HSD17B12: variants seen among roughly 807,000 people sequenced by gnomAD.
HSD17B12 encodes very-long-chain 3-oxoacyl-CoA reductase.
A neutral mutation model predicts 39.3 loss-of-function variants in HSD17B12; 32 were observed. The ratio of observed to expected loss-of-function variants is 0.81; its 90% CI spans 0.61 to 1.09. HSD17B12 has a LOEUF of 1.09. HSD17B12 is among the 50% of genes least tolerant of loss of function. The pLI is 0.00. For missense variants in HSD17B12, 342 were observed against 382.9 expected, an observed-to-expected ratio of 0.89 and a Z score of 0.89; for synonymous variants, 150 against 146.7, an observed-to-expected ratio of 1.02 and a Z score of -0.16.
chr11:43,819,201 C>A (rs916598513), intron 6 of HSD17B12, among the ~76,000 whole-genome samples: 1 of 152,074 alleles, frequency 6.6e-6, no homozygotes, highest in African/African-American at 2.4e-5. Flanking sequence ...TACTTTAGAT[C>A]CATTAGTATT....
the HSD17B12 span, among the ~76,000 whole-genome samples, chr11:43,670,844 C>T: frequency 6.6e-6 from 1 of 152,106 alleles, no homozygotes; most frequent in East Asian, 1.9e-4. Flanking sequence ...ATGATCATAC[C>T]ACTGCACTCC....
At chr11:43,670,238 A>C in the HSD17B12 span, 7 of 152,210 alleles carry the variant, frequency 4.6e-5, no homozygotes, top group Non-Finnish European at 1.5e-5. Context: ...CCATAGAGGG[A>C]CATAGACCAG....
chr11:43,818,547 C>T (rs1019407252), intron 6 of HSD17B12, among the ~76,000 whole-genome samples: 8 of 152,172 alleles, frequency 5.3e-5, no homozygotes, highest in African/African-American at 1.9e-4. Context: ...GAAATTTGAA[C>T]ATACTCATAG....
chr11:43,765,064 CT>C (rs1197032864), intron 3 of HSD17B12, among the ~76,000 whole-genome samples: 2 of 151,574 alleles, frequency 1.3e-5, no homozygotes, highest in Non-Finnish European at 2.9e-5. Flanking sequence ...GACTGTATAT[CT>C]TTTTTTCTTT....
At chr11:43,666,854 C>CTTAA in the HSD17B12 span, among the ~76,000 whole-genome samples, 1 of 152,208 alleles carries the variant, frequency 6.6e-6, no homozygotes, top group Non-Finnish European at 1.5e-5. Context: ...TAAGATCACT[C>CTTAA]TTAAGAGTTG....
intron 3 of HSD17B12, among the ~76,000 whole-genome samples, chr11:43,772,758 T>C (rs534716605): frequency 1.3e-3 from 205 of 152,304 alleles, no homozygotes; most frequent in African/African-American, 4.7e-3. Flanking sequence ...ATTTCTAATC[T>C]TTTTTTGTGA....
chr11:43,733,980 G>T, intron 1 of HSD17B12: 1 of 716,544 alleles, frequency 1.4e-6, no homozygotes, highest in South Asian at 1.5e-5. Context: ...ACCACGTAAT[G>T]CTCCAGTCAT....
intron 1 of HSD17B12, among the ~76,000 whole-genome samples, chr11:43,703,715 A>C (rs1430600786): frequency 6.6e-6 from 1 of 152,126 alleles, no homozygotes; most frequent in African/African-American, 2.4e-5. Flanking sequence ...ATAGTTACTC[A>C]TAGTAGCCAC....
the HSD17B12 span, chr11:43,645,000 G>C: frequency 6.6e-6 from 1 of 152,312 alleles, no homozygotes; most frequent in Non-Finnish European, 1.5e-5. Flanking sequence ...GTTCTAGGGA[G>C]CCAGCTCCCC....
At chr11:43,633,673 C>T in the HSD17B12 span, among the ~76,000 whole-genome samples, 2 of 152,218 alleles carry the variant, frequency 1.3e-5, no homozygotes, top group Middle Eastern at 3.4e-3. Flanking sequence ...AGCTGTTCCA[C>T]GTAATGGTCC....
At chr11:43,586,147 T>C in the HSD17B12 span, among the ~76,000 whole-genome samples, 5 of 152,178 alleles carry the variant, frequency 3.3e-5, no homozygotes, top group South Asian at 6.2e-4. Context: ...ATAATACAGC[T>C]AATCCATAAA....
At chr11:43,669,675 CTG>C in the HSD17B12 span, among the ~76,000 whole-genome samples, 1 of 152,156 alleles carries the variant, frequency 6.6e-6, no homozygotes, top group Non-Finnish European at 1.5e-5. Context: ...TGGCTGGAAA[CTG>C]TATTACTAAA....
At chr11:43,642,385 T>C in the HSD17B12 span, among the ~76,000 whole-genome samples, 1 of 151,742 alleles carries the variant, frequency 6.6e-6, no homozygotes, top group South Asian at 2.1e-4. Context: ...TTATTTCTAA[T>C]GTAATTTTTA....
At chr11:43,559,301 A>G in the HSD17B12 span, among the ~76,000 whole-genome samples, 1 of 152,178 alleles carries the variant, frequency 6.6e-6, no homozygotes, top group Non-Finnish European at 1.5e-5. Flanking sequence ...CAGTCCTCCA[A>G]GACTGTCAGT....
chr11:43,618,943 C>A, the HSD17B12 span, among the ~76,000 whole-genome samples: 1 of 151,518 alleles, frequency 6.6e-6, no homozygotes, highest in African/African-American at 2.4e-5. Flanking sequence ...AGGGCTCAGA[C>A]ATGCACTCAA....
the HSD17B12 span, among the ~76,000 whole-genome samples, chr11:43,671,190 A>T: frequency 2.0e-5 from 3 of 151,800 alleles, no homozygotes; most frequent in African/African-American, 7.3e-5. Context: ...TTTGAGATGG[A>T]GTCTCACTCT....
chr11:43,769,626 T>C (rs901975519), intron 3 of HSD17B12, among the ~76,000 whole-genome samples: 16 of 152,342 alleles, frequency 1.1e-4, no homozygotes, highest in African/African-American at 3.6e-4. Flanking sequence ...ATGTATGACA[T>C]TGTTTTTCAA....
At chr11:43,686,444 A>G (rs1329505152) in intron 1 of HSD17B12, among the ~76,000 whole-genome samples, 5 of 152,220 alleles carry the variant, frequency 3.3e-5, no homozygotes, top group African/African-American at 4.8e-5. Flanking sequence ...AACAGATGCA[A>G]CTGAAGATTG....
the HSD17B12 span, among the ~76,000 whole-genome samples, chr11:43,639,995 T>G: frequency 6.6e-6 from 1 of 151,602 alleles, no homozygotes; most frequent in South Asian, 2.1e-4. Flanking sequence ...TAGTAGGGAG[T>G]GAAAATTGGT....
Sources: allele counts gnomAD v4.1 joint callset (sites outside exome capture counted in the v4.1 genomes callset), GRCh38; gene constraint gnomAD v4.1.1; transcripts MANE v1.5; gene names NCBI Gene and HGNC (gene_info 2026-07-23, HGNC 2026-07-21).